Variants in ANKRD44 observed in about 807,000 individuals in gnomAD.
The protein encoded by ANKRD44 is ankyrin repeat domain 44.
Under a neutral mutation model 116.0 loss-of-function variants are expected in ANKRD44, and 35 were observed. The observed-to-expected ratio is 0.30, with a 90% CI of 0.23 to 0.40. The LOEUF is 0.40. Ranked by LOEUF, ANKRD44 falls within the 10% of genes least tolerant of loss-of-function variation. ANKRD44 has a pLI of 1.00. For missense variants in ANKRD44, 1,014 were observed against 1,242.6 expected, an observed-to-expected ratio of 0.82 and a Z score of 2.77; for synonymous variants, 435 against 461.8, an observed-to-expected ratio of 0.94 and a Z score of 0.74.
intron 1 of ANKRD44, among the ~76,000 whole-genome samples, chr2:197,270,585 C>T (rs1013537179): frequency 2.0e-5 from 3 of 152,080 alleles, no homozygotes; most frequent in African/African-American, 4.8e-5. Flanking sequence ...GCAGACTAAA[C>T]GCAGAGGAGA....
intron 1 of ANKRD44, among the ~76,000 whole-genome samples, chr2:197,260,173 T>C (rs1382282455): frequency 6.6e-6 from 1 of 152,200 alleles, no homozygotes; most frequent in Non-Finnish European, 1.5e-5. Flanking sequence ...CATGTTGGTG[T>C]GCTGCACCCA....
chr2:197,198,242 T>C (rs977801558), intron 1 of ANKRD44, among the ~76,000 whole-genome samples: 1 of 152,134 alleles, frequency 6.6e-6, no homozygotes, highest in Non-Finnish European at 1.5e-5. Context: ...AGGTCTTGAA[T>C]ACCAAGCTAA....
intron 7 of ANKRD44, 66 bp downstream of exon 7, chr2:197,122,584 A>G (rs1004592861): frequency 1.1e-5 from 17 of 1,546,196 alleles, no homozygotes; most frequent in Non-Finnish European, 1.5e-5. Context: ...AACAGGATTT[A>G]ACTTTAGAAT....
At chr2:197,097,337 G>T (rs974946729) in intron 10 of ANKRD44, among the ~76,000 whole-genome samples, 1 of 152,034 alleles carries the variant, frequency 6.6e-6, no homozygotes, top group Non-Finnish European at 1.5e-5. Context: ...CACATTACAG[G>T]TAAAGTCAGT....
chr2:197,261,945 C>T (rs149500158), intron 1 of ANKRD44, among the ~76,000 whole-genome samples: 3 of 152,230 alleles, frequency 2.0e-5, no homozygotes, highest in South Asian at 2.1e-4. Flanking sequence ...TTCTGTGTGA[C>T]GGGACAAGAG....
At chr2:196,974,697 C>T (rs2075744362) in intron 21 of ANKRD44, among the ~76,000 whole-genome samples, 2 of 151,968 alleles carry the variant, frequency 1.3e-5, no homozygotes, top group Admixed American at 1.3e-4. Flanking sequence ...TGAGAGCAGC[C>T]TGGCCAACAT....
intron 15 of ANKRD44, among the ~76,000 whole-genome samples, chr2:197,080,277 G>A (rs766052946): frequency 1.2e-4 from 18 of 152,202 alleles, no homozygotes; most frequent in Non-Finnish European, 2.2e-4. Context: ...TCTCCACATT[G>A]CTTGTAAGGA....
At chr2:197,103,057 A>G (rs10176754) in intron 9 of ANKRD44, among the ~76,000 whole-genome samples, 98,258 of 151,706 alleles carry the variant, frequency 0.65, 34,096 homozygotes, top group East Asian at 0.96. Flanking sequence ...GTGAAACCCC[A>G]TCTCTACCAA....
At chr2:197,025,059 C>T (rs142601462) in intron 17 of ANKRD44, 137 bp downstream of exon 17, 7,775 of 768,032 alleles carry the variant, frequency 0.01, 60 homozygotes, top group South Asian at 0.024. Context: ...TCTCCACAGC[C>T]TGTGCCTTTT....
chr2:196,978,794 TTC>T (rs1355797055), intron 21 of ANKRD44, among the ~76,000 whole-genome samples: 4 of 151,952 alleles, frequency 2.6e-5, no homozygotes. Flanking sequence ...GCTTTTTTTT[TTC>T]TTTTTTAATG....
At chr2:197,110,229 G>A (rs981869619) in intron 9 of ANKRD44, among the ~76,000 whole-genome samples, 7 of 152,022 alleles carry the variant, frequency 4.6e-5, no homozygotes, top group Non-Finnish European at 8.8e-5. Context: ...TGCCCACCTC[G>A]GCCTCCCAAA....
At chr2:197,267,295 G>A (rs1314998587) in intron 1 of ANKRD44, among the ~76,000 whole-genome samples, 2 of 152,172 alleles carry the variant, frequency 1.3e-5, no homozygotes, top group African/African-American at 2.4e-5. Flanking sequence ...AATCTTTAAT[G>A]TAATTTTTCA....
chr2:197,016,621 G>C (rs2076397418), intron 17 of ANKRD44, among the ~76,000 whole-genome samples: 1 of 152,196 alleles, frequency 6.6e-6, no homozygotes, highest in South Asian at 2.1e-4. Context: ...GACAAGTGGA[G>C]AGAATGGATA....
chr2:197,047,272 G>C (rs62279185), intron 16 of ANKRD44, among the ~76,000 whole-genome samples: 1 of 151,830 alleles, frequency 6.6e-6, no homozygotes, highest in Non-Finnish European at 1.5e-5. Flanking sequence ...CACCCGCCTC[G>C]GCCTCCCAAA....
chr2:197,073,518 C>T (rs904385524), intron 16 of ANKRD44, among the ~76,000 whole-genome samples: 1 of 152,178 alleles, frequency 6.6e-6, no homozygotes. Flanking sequence ...CAGCCTTCTT[C>T]TTATTTAGCT....
At chr2:197,068,706 T>C (rs1457434185) in intron 16 of ANKRD44, among the ~76,000 whole-genome samples, 1 of 152,148 alleles carries the variant, frequency 6.6e-6, no homozygotes, top group East Asian at 1.9e-4. Context: ...AAAATGCTCA[T>C]CATCACTGGC....
intron 2 of ANKRD44, among the ~76,000 whole-genome samples, chr2:197,185,203 A>C (rs544359353): frequency 2.6e-5 from 4 of 152,206 alleles, no homozygotes; most frequent in African/African-American, 9.7e-5. Context: ...CAAATGCCCA[A>C]CTGCCTTCTG....
At chr2:197,116,643 T>C (rs2078717671) in intron 8 of ANKRD44, among the ~76,000 whole-genome samples, 1 of 152,240 alleles carries the variant, frequency 6.6e-6, no homozygotes, top group South Asian at 2.1e-4. Flanking sequence ...CCTCCTCCTG[T>C]TCCTAAGAGT....
chr2:197,032,448 G>A (rs1230513923), intron 16 of ANKRD44, among the ~76,000 whole-genome samples: 1 of 151,034 alleles, frequency 6.6e-6, no homozygotes, highest in Non-Finnish European at 1.5e-5. Flanking sequence ...GAGTGCAGTG[G>A]TGCAATCTCA....
Sources: gnomAD v4.1 joint callset for allele counts (sites outside exome capture counted in the v4.1 genomes callset) on GRCh38, gnomAD v4.1.1 for gene constraint, MANE v1.5 for transcripts, NCBI Gene and HGNC (gene_info 2026-07-23, HGNC 2026-07-21) for gene names.